The following GRK3 variants were observed in gnomAD, a reference collection of about 807,000 sequenced individuals.
GRK3 encodes G protein-coupled receptor kinase 3.
Under a neutral mutation model 95.7 loss-of-function variants are expected in GRK3, and 54 were observed. The ratio of observed to expected loss-of-function variants is 0.56; its 90% CI spans 0.45 to 0.71. GRK3 has a LOEUF of 0.71. GRK3 is among the 30% of genes least tolerant of loss of function. The pLI is 0.00. For missense variants in GRK3, 649 were observed against 851.2 expected (o/e 0.76, Z 2.96); for synonymous variants, 281 against 290.8 (o/e 0.97, Z 0.34).
intron 1 of GRK3, among the ~76,000 whole-genome samples, chr22:25,581,533 A>G (rs1932099590): frequency 6.6e-6 from 1 of 152,224 alleles, no homozygotes; most frequent in Non-Finnish European, 1.5e-5. Context: ...ACTGATTACA[A>G]AGATGCGGGT....
chr22:25,587,659 C>T (rs1932359850), intron 1 of GRK3, among the ~76,000 whole-genome samples: 1 of 152,130 alleles, frequency 6.6e-6, no homozygotes, highest in South Asian at 2.1e-4. Context: ...CAAATCTCAT[C>T]TTGAATTGCA....
intron 3 of GRK3, among the ~76,000 whole-genome samples, chr22:25,650,305 G>A (rs1306542448): frequency 1.3e-5 from 2 of 152,076 alleles, no homozygotes; most frequent in Non-Finnish European, 2.9e-5. Context: ...CCTCCCAAAG[G>A]CATGAGCCAT....
chr22:25,604,797 T>C (rs1267207230), intron 2 of GRK3, among the ~76,000 whole-genome samples: 3 of 152,232 alleles, frequency 2.0e-5, no homozygotes, highest in African/African-American at 4.8e-5. Context: ...AGCTTTAAAA[T>C]TATTTTATGG....
At chr22:25,606,044 C>A (rs1160742260) in intron 2 of GRK3, among the ~76,000 whole-genome samples, 1 of 152,068 alleles carries the variant, frequency 6.6e-6, no homozygotes, top group Non-Finnish European at 1.5e-5. Context: ...GCCCCCCAAA[C>A]ATGTATTTTC....
chr22:25,709,195 G>A (rs147998559), intron 15 of GRK3, among the ~76,000 whole-genome samples: 8,844 of 151,964 alleles, frequency 0.058, 324 homozygotes, highest in Middle Eastern at 0.088. Context: ...CCGTCACCAT[G>A]CCCGGCTAAT....
At chr22:25,689,816 G>A (rs2085150885) in intron 11 of GRK3, among the ~76,000 whole-genome samples, 4 of 152,236 alleles carry the variant, frequency 2.6e-5, no homozygotes, top group Admixed American at 2.6e-4. Flanking sequence ...AAGCCCAGAA[G>A]CTGGTGGACT....
At chr22:25,701,416 ACTGT>A (rs1214256304) in intron 13 of GRK3, among the ~76,000 whole-genome samples, 2 of 152,238 alleles carry the variant, frequency 1.3e-5, no homozygotes, top group Non-Finnish European at 2.9e-5. Context: ...GAAAGACCAA[ACTGT>A]CTGAACATGG....
intron 1 of GRK3, among the ~76,000 whole-genome samples, chr22:25,568,484 A>G (rs1399439122): frequency 6.6e-6 from 1 of 152,244 alleles, no homozygotes; most frequent in Non-Finnish European, 1.5e-5. Flanking sequence ...TATTCATACA[A>G]TATGATAGGA....
At chr22:25,572,014 C>T (rs951805977) in intron 1 of GRK3, among the ~76,000 whole-genome samples, 4 of 151,870 alleles carry the variant, frequency 2.6e-5, no homozygotes, top group Admixed American at 6.6e-5. Flanking sequence ...CCCTTCCCCC[C>T]GCCCCATGAT....
intron 1 of GRK3, among the ~76,000 whole-genome samples, chr22:25,586,534 C>G (rs1472297402): frequency 2.0e-5 from 3 of 152,260 alleles, no homozygotes; most frequent in Non-Finnish European, 2.9e-5. Flanking sequence ...TAAAAAAAAT[C>G]ATGACAGTCC....
rs191165419 is a variant in GRK3 at position 25,602,770 on chromosome 22, T to C, written c.114-1607T>C. Reference sequence around the variant, plus strand: ...GAACTGGAGCATGAATCTATGTTATTAGAAAGCAGGTCAATAGTTGCCTGG... The same window carrying C: ...GAACTGGAGCATGAATCTATGTTATCAGAAAGCAGGTCAATAGTTGCCTGG... On this transcript the variant is annotated intron_variant, in intron 1 of 20. Coordinates refer to ENST00000324198, the MANE Select transcript of GRK3 (RefSeq NM_005160.4). 3.3e-5 allele frequency among the ~76,000 whole-genome samples: 5 copies of C among 152,344 alleles called. No homozygotes were observed. The East Asian group carries it at 9.6e-4, about 29-fold the overall frequency.
At chr22:25,669,698 T>C (rs555060333) in intron 6 of GRK3, among the ~76,000 whole-genome samples, 1 of 152,350 alleles carries the variant, frequency 6.6e-6, no homozygotes, top group African/African-American at 2.4e-5. Flanking sequence ...TGAGCCTAGA[T>C]ACTCAGGGCC....
chr22:25,571,488 A>G (rs1931698547), intron 1 of GRK3, among the ~76,000 whole-genome samples: 1 of 152,216 alleles, frequency 6.6e-6, no homozygotes, highest in African/African-American at 2.4e-5. Context: ...GACACGGATA[A>G]CTCAAACAAA....
At chr22:25,694,744 G>A (rs2085193251) in intron 12 of GRK3, among the ~76,000 whole-genome samples, 2 of 152,068 alleles carry the variant, frequency 1.3e-5, no homozygotes, top group Admixed American at 6.6e-5. Context: ...TTCATCATCC[G>A]TTCACTCCTC....
chr22:25,609,845 C>CTTTT (rs980049696), intron 2 of GRK3, among the ~76,000 whole-genome samples: 1 of 127,854 alleles, frequency 7.8e-6, no homozygotes, highest in African/African-American at 2.9e-5. Context: ...GCAATTTTTA[C>CTTTT]TTTTTTTTTT....
chr22:25,648,512 A>C, intron 3 of GRK3: 1 of 1,456,058 alleles, frequency 6.9e-7, no homozygotes. Flanking sequence ...CAAAAGTAGC[A>C]ATCAAAACAC....
intron 1 of GRK3, among the ~76,000 whole-genome samples, chr22:25,583,202 G>A (rs1437677709): frequency 1.3e-5 from 2 of 152,154 alleles, no homozygotes; most frequent in Non-Finnish European, 2.9e-5. Context: ...AATTTCATCC[G>A]TTAGTCATTG....
chr22:25,669,429 AACG>A (rs2084964015), intron 6 of GRK3, among the ~76,000 whole-genome samples: 1 of 152,194 alleles, frequency 6.6e-6, no homozygotes, highest in Non-Finnish European at 1.5e-5. Flanking sequence ...TCAGCAGGAC[AACG>A]ACTGAGTCAG....
chr22:25,586,100 T>C (rs139683562), intron 1 of GRK3, among the ~76,000 whole-genome samples: 2,252 of 92,438 alleles, frequency 0.024, no homozygotes, highest in South Asian at 0.05. Flanking sequence ...CTTATATCAT[T>C]GTGTAGTTTA....
Sources: allele counts gnomAD v4.1 joint callset (sites outside exome capture counted in the v4.1 genomes callset), GRCh38; gene constraint gnomAD v4.1.1; transcripts MANE v1.5; gene names NCBI Gene and HGNC (gene_info 2026-07-23, HGNC 2026-07-21).